Variants in BTBD10 observed in about 807,000 individuals in gnomAD.
BTBD10 encodes BTB domain containing 10.
In BTBD10, 21 loss-of-function variants were observed where a neutral mutation model predicts 53.2. That is an observed-to-expected ratio of 0.39 (90% CI 0.28 to 0.57). The LOEUF is 0.57. Among genes scored for constraint, BTBD10 ranks in the 20% least tolerant of loss-of-function variants. The probability of loss-of-function intolerance (pLI) is 0.53; values close to 1 mark genes in which losing one functional copy is unlikely to be tolerated. For synonymous variants in BTBD10, 149 were observed against 192.7 expected (o/e 0.77, Z 1.88); for missense variants, 360 against 594.7 (o/e 0.61, Z 4.10).
chr11:13,459,202 G>A (rs1252187687), intron 1 of BTBD10, among the ~76,000 whole-genome samples: 4 of 150,134 alleles, frequency 2.7e-5, no homozygotes, highest in African/African-American at 4.9e-5. Flanking sequence ...GACTACAGGC[G>A]CCCGCCACTA....
chr11:13,421,538 A>G (rs1352680427), intron 3 of BTBD10, 104 bp downstream of exon 3: 8 of 960,566 alleles, frequency 8.3e-6, no homozygotes, highest in Non-Finnish European at 1.2e-5. Context: ...AGAAGCAGCT[A>G]ATTTTACTCT....
At chr11:13,455,040 A>G (rs1411880674) in intron 1 of BTBD10, among the ~76,000 whole-genome samples, 1 of 152,162 alleles carries the variant, frequency 6.6e-6, no homozygotes. Context: ...CCTCCCAAGT[A>G]GCTGGGATTA....
intron 1 of BTBD10, chr11:13,462,800 G>C (rs1461640097): frequency 6.6e-6 from 1 of 152,176 alleles, no homozygotes; most frequent in Admixed American, 6.6e-5. Flanking sequence ...CCTCTGCCCT[G>C]GAAAGGGATG....
At chr11:13,433,234 C>T (rs1014425489) in intron 2 of BTBD10, among the ~76,000 whole-genome samples, 2 of 152,158 alleles carry the variant, frequency 1.3e-5, no homozygotes, top group African/African-American at 4.8e-5. Flanking sequence ...ATACATTCTA[C>T]TCTTCCCCTG....
chr11:13,436,558 G>T (rs1407482406), intron 2 of BTBD10, among the ~76,000 whole-genome samples: 12 of 152,140 alleles, frequency 7.9e-5, no homozygotes. Flanking sequence ...CAATTTTACA[G>T]CTGAGAAAAT....
intron 1 of BTBD10, among the ~76,000 whole-genome samples, chr11:13,454,496 T>C (rs1176781017): frequency 2.6e-5 from 4 of 152,192 alleles, no homozygotes; most frequent in African/African-American, 9.6e-5. Context: ...CAAGCTTAGC[T>C]GAGAACTTTA....
intron 6 of BTBD10, among the ~76,000 whole-genome samples, chr11:13,409,817 T>C (rs1949902172): frequency 6.6e-6 from 1 of 152,206 alleles, no homozygotes; most frequent in Non-Finnish European, 1.5e-5. Context: ...ATAAACTCCA[T>C]AAAGGCAGGG....
chr11:13,391,714 G>A (rs1378889235), intron 8 of BTBD10, among the ~76,000 whole-genome samples: 1 of 152,196 alleles, frequency 6.6e-6, no homozygotes, highest in East Asian at 1.9e-4. Context: ...GGGAGGCCAA[G>A]GCAGGCGGAT....
chr11:13,462,440 G>A (rs1414436798), intron 1 of BTBD10, among the ~76,000 whole-genome samples: 1 of 152,176 alleles, frequency 6.6e-6, no homozygotes, highest in Admixed American at 6.5e-5. Flanking sequence ...TACTGAGAAA[G>A]GAGAAGCAGG....
intron 2 of BTBD10, among the ~76,000 whole-genome samples, chr11:13,434,027 C>G (rs1178190426): frequency 6.6e-6 from 1 of 152,126 alleles, no homozygotes; most frequent in Non-Finnish European, 1.5e-5. Flanking sequence ...TCTCAAAGAT[C>G]ACCTGTAAGT....
chr11:13,394,305 A>C (rs1311153612), intron 8 of BTBD10, among the ~76,000 whole-genome samples: 1 of 152,150 alleles, frequency 6.6e-6, no homozygotes, highest in Admixed American at 6.5e-5. Context: ...GGCAGTTTCT[A>C]CCATGCTGTT....
intron 1 of BTBD10, among the ~76,000 whole-genome samples, chr11:13,450,640 C>T (rs375341152): frequency 1.3e-5 from 2 of 152,122 alleles, no homozygotes; most frequent in African/African-American, 4.8e-5. Context: ...ACTGAACAGT[C>T]ATTTTTAGCA....
chr11:13,404,113 A>G (rs1341114791), intron 7 of BTBD10, among the ~76,000 whole-genome samples: 1 of 152,200 alleles, frequency 6.6e-6, no homozygotes, highest in Non-Finnish European at 1.5e-5. Flanking sequence ...AACTCTACTC[A>G]TGGGGTAAAT....
intron 8 of BTBD10, among the ~76,000 whole-genome samples, chr11:13,398,000 GA>G (rs1384125421): frequency 6.6e-6 from 1 of 152,224 alleles, no homozygotes; most frequent in African/African-American, 2.4e-5. Context: ...GTGTGGTGCT[GA>G]AAAGAATGTA....
intron 3 of BTBD10, among the ~76,000 whole-genome samples, chr11:13,421,403 C>CTG (rs754526089): frequency 2.6e-5 from 4 of 152,058 alleles, no homozygotes; most frequent in Non-Finnish European, 5.9e-5. Context: ...GTTTCAAAGG[C>CTG]TTTTCAATTA....
intron 2 of BTBD10, among the ~76,000 whole-genome samples, chr11:13,441,783 C>T (rs1950655714): frequency 6.6e-6 from 1 of 151,994 alleles, no homozygotes; most frequent in Non-Finnish European, 1.5e-5. Flanking sequence ...ATAAAGTATG[C>T]TTATTTCCTT....
At chr11:13,431,648 T>G (rs569272258) in intron 2 of BTBD10, among the ~76,000 whole-genome samples, 4 of 152,278 alleles carry the variant, frequency 2.6e-5, no homozygotes, top group African/African-American at 9.6e-5. Context: ...ATGGTCACTC[T>G]CAGAAGCAAA....
intron 2 of BTBD10, among the ~76,000 whole-genome samples, chr11:13,430,589 C>T (rs1297185413): frequency 6.6e-6 from 1 of 152,096 alleles, no homozygotes; most frequent in African/African-American, 2.4e-5. Context: ...TTCTTAGCAG[C>T]TTTATTTGTA....
At chr11:13,422,787 G>A (rs555017747) in intron 2 of BTBD10, among the ~76,000 whole-genome samples, 5 of 152,250 alleles carry the variant, frequency 3.3e-5, no homozygotes, top group African/African-American at 1.2e-4. Context: ...AACTCAGAAT[G>A]CTGATTAAAA....
Sources: gnomAD v4.1 joint callset for allele counts (sites outside exome capture counted in the v4.1 genomes callset) on GRCh38, gnomAD v4.1.1 for gene constraint, MANE v1.5 for transcripts, NCBI Gene and HGNC (gene_info 2026-07-23, HGNC 2026-07-21) for gene names.